GLCE: variants seen among roughly 807,000 people sequenced by gnomAD.
GLCE encodes the protein glucuronic acid epimerase.
GLCE carries 19 observed loss-of-function variants against 47.9 expected under a neutral mutation model. That is an observed-to-expected ratio of 0.40 (90% CI 0.28 to 0.58). The LOEUF (loss-of-function observed/expected upper bound fraction) is 0.58, where lower values mean the gene tolerates loss of function less well. Among genes scored for constraint, GLCE ranks in the 20% least tolerant of loss-of-function variants. The probability of loss-of-function intolerance (pLI) is 0.48; values close to 1 mark genes in which losing one functional copy is unlikely to be tolerated. For missense variants in GLCE, 556 were observed against 743.3 expected, an observed-to-expected ratio of 0.75 and a Z score of 2.93; for synonymous variants, 245 against 263.4, an observed-to-expected ratio of 0.93 and a Z score of 0.68.
chr15:69,195,806 A>T (rs2051980016), intron 1 of GLCE, among the ~76,000 whole-genome samples: 1 of 152,162 alleles, frequency 6.6e-6, no homozygotes, highest in Non-Finnish European at 1.5e-5. Flanking sequence ...ATTACATTAA[A>T]TCAGTGAGAG....
At chr15:69,264,817 A>G (rs371445992) in intron 4 of GLCE, among the ~76,000 whole-genome samples, 2 of 152,016 alleles carry the variant, frequency 1.3e-5, no homozygotes, top group African/African-American at 4.8e-5. Flanking sequence ...ACCTTTTTAT[A>G]TACCTTTTGG....
chr15:69,169,032 A>G (rs1355589888), intron 1 of GLCE, among the ~76,000 whole-genome samples: 1 of 152,154 alleles, frequency 6.6e-6, no homozygotes. Context: ...GAAAGTTACC[A>G]CTTTTCTGAT....
chr15:69,165,405 C>A (rs1050843278), intron 1 of GLCE, among the ~76,000 whole-genome samples: 9 of 152,050 alleles, frequency 5.9e-5, no homozygotes, highest in African/African-American at 1.9e-4. Flanking sequence ...TGACTCAGAG[C>A]CTTCACATAT....
At chr15:69,257,981 TTTTTA>T (rs920160339) in intron 3 of GLCE, among the ~76,000 whole-genome samples, 3 of 151,934 alleles carry the variant, frequency 2.0e-5, no homozygotes, top group African/African-American at 7.2e-5. Context: ...TAGAAATATA[TTTTTA>T]TTTTATTTTA....
chr15:69,263,691 A>C (rs577748089), intron 4 of GLCE, among the ~76,000 whole-genome samples: 2 of 152,004 alleles, frequency 1.3e-5, no homozygotes, highest in Non-Finnish European at 2.9e-5. Flanking sequence ...CTATTTCTGT[A>C]GCCATTCTTT....
At chr15:69,186,088 C>G (rs555050736) in intron 1 of GLCE, among the ~76,000 whole-genome samples, 1 of 152,236 alleles carries the variant, frequency 6.6e-6, no homozygotes, top group East Asian at 1.9e-4. Context: ...GCTTTCATGT[C>G]CTCCCTGGGT....
chr15:69,217,659 C>T (rs1335167079), intron 2 of GLCE, among the ~76,000 whole-genome samples: 2 of 152,146 alleles, frequency 1.3e-5, no homozygotes, highest in East Asian at 3.8e-4. Flanking sequence ...TTGAAATCAG[C>T]ACTTCTGAAA....
chr15:69,174,551 A>G (rs2051632516), intron 1 of GLCE, among the ~76,000 whole-genome samples: 1 of 152,212 alleles, frequency 6.6e-6, no homozygotes, highest in South Asian at 2.1e-4. Flanking sequence ...TAGAGGTTGC[A>G]TTGCGCTGAG....
chr15:69,268,328 C>A lies in GLCE; in HGVS notation c.938C>A (p.Thr313Lys). The change falls in exon 5 of 5, where the codon ACA becomes AAA. Residue 313 changes from threonine to lysine, a missense_variant. Thr to Lys is a moderately conservative substitution (Grantham distance 78). Coordinates refer to ENST00000261858, the MANE Select transcript of GLCE (RefSeq NM_015554.3). ...AGTGTGTCCGTGGTTCTAGAGACCA[C>A]AGAAAAGAATCAGCTCTTCACTATA... The part of the protein sequence containing the change: ...NGSVSVVLET[T>K]EKNQLFTIHY... 1 of 1,613,604 alleles carries A rather than the reference C, an allele frequency of 6.2e-7. No homozygotes were observed. The highest frequency in any genetic ancestry group is 8.5e-7 in the Non-Finnish European group (1 of 1,179,524).
chr15:69,199,237 T>C (rs1338724694), intron 1 of GLCE, among the ~76,000 whole-genome samples: 1 of 152,160 alleles, frequency 6.6e-6, no homozygotes, highest in Non-Finnish European at 1.5e-5. Context: ...AAACCAGGAA[T>C]GCTATTCAAG....
In GLCE at chr15:69,268,869, A is replaced by G; in HGVS notation, c.1479A>G (p.Lys493=). 8 of 1,614,184 alleles carry G rather than the reference A, an allele frequency of 5.0e-6. No individual in the cohort carries two copies. Among genetic ancestry groups the G allele is most frequent in the South Asian group, 2.2e-5 (2 of 91,084 alleles). Residue 493 remains lysine, a synonymous_variant, in exon 5 of 5, where the codon AAA becomes AAG. Transcript: ENST00000261858. ...QHGVKAVFMN[K]HDWYEEYPTT... is the part of the protein sequence containing the mutation. ...GAGTTAAAGCTGTGTTTATGAATAA[A>G]CATGACTGGTATGAAGAATATCCAA...
At chr15:69,237,607 A>T (rs8037802) in intron 2 of GLCE, among the ~76,000 whole-genome samples, 18,597 of 147,470 alleles carry the variant, frequency 0.13, 1,200 homozygotes, top group East Asian at 0.16. Context: ...CAAAAAAATT[A>T]AAAAAAAAAA....
chr15:69,220,917 G>C (rs187164466), intron 2 of GLCE, among the ~76,000 whole-genome samples: 161 of 152,214 alleles, frequency 1.1e-3, no homozygotes, highest in African/African-American at 3.5e-3. Flanking sequence ...TAGAATTTAT[G>C]TTTAAGTCTT....
At chr15:69,212,787 GTAT>G (rs1321050092) in intron 2 of GLCE, among the ~76,000 whole-genome samples, 4 of 152,126 alleles carry the variant, frequency 2.6e-5, no homozygotes, top group Middle Eastern at 6.8e-3. Context: ...GTGGACATGT[GTAT>G]TATTTTCATA....
chr15:69,204,124 A>G (rs79429576), intron 1 of GLCE, among the ~76,000 whole-genome samples: 1,756 of 152,210 alleles, frequency 0.012, 27 homozygotes, highest in African/African-American at 0.038. Context: ...GTAGTGTACT[A>G]TATTAGTTGA....
At chr15:69,185,165 C>T (rs944458726) in intron 1 of GLCE, among the ~76,000 whole-genome samples, 5 of 152,178 alleles carry the variant, frequency 3.3e-5, no homozygotes, top group Non-Finnish European at 7.3e-5. Context: ...AAATATGCTT[C>T]ATCATACTTT....
chr15:69,161,969 A>T (rs915899597), intron 1 of GLCE, among the ~76,000 whole-genome samples: 3 of 152,026 alleles, frequency 2.0e-5, no homozygotes, highest in Admixed American at 2.0e-4. Context: ...GCATGATTAG[A>T]TCTGTTCTGA....
intron 1 of GLCE, among the ~76,000 whole-genome samples, chr15:69,203,332 C>T (rs917058246): frequency 2.2e-4 from 34 of 152,038 alleles, no homozygotes; most frequent in African/African-American, 7.7e-4. Context: ...CTTAAACACA[C>T]GCAATGCTAC....
chr15:69,224,242 G>A (rs147051958), intron 2 of GLCE, among the ~76,000 whole-genome samples: 1,716 of 152,150 alleles, frequency 0.011, 32 homozygotes, highest in African/African-American at 0.038. Flanking sequence ...TTTGTTTATT[G>A]TTTTTGGTTT....
Sources: gnomAD v4.1 joint callset for allele counts (sites outside exome capture counted in the v4.1 genomes callset) on GRCh38, gnomAD v4.1.1 for gene constraint, MANE v1.5 for transcripts, NCBI Gene and HGNC (gene_info 2026-07-23, HGNC 2026-07-21) for gene names.